POU6F2: variants seen among roughly 807,000 people sequenced by gnomAD.
The protein encoded by POU6F2 is POU domain, class 6, transcription factor 2.
Under a neutral mutation model 71.3 loss-of-function variants are expected in POU6F2, and 31 were observed. The observed-to-expected ratio is 0.43, with a 90% CI of 0.33 to 0.59. The LOEUF is 0.59. POU6F2 is among the 20% of genes least tolerant of loss of function. The probability of loss-of-function intolerance (pLI) is 0.04; values close to 1 mark genes in which losing one functional copy is unlikely to be tolerated. For synonymous variants in POU6F2, 347 were observed against 355.7 expected (o/e 0.98, Z 0.27); for missense variants, 783 against 856.8 (o/e 0.91, Z 1.07).
chr7:39,085,776 AGAGAGG>A, intron 1 of POU6F2, 78 bp from the exon 2 acceptor site: 3 of 1,349,592 alleles, frequency 2.2e-6, no homozygotes, highest in East Asian at 2.5e-5. Flanking sequence ...GAGAGAGAAG[AGAGAGG>A]GAGAGGGAGA....
chr7:39,329,688 C>T (rs2115560300), intron 4 of POU6F2, among the ~76,000 whole-genome samples: 1 of 152,258 alleles, frequency 6.6e-6, no homozygotes, highest in East Asian at 1.9e-4. Context: ...CAGGATGAGG[C>T]TGGGACTTGC....
intron 2 of POU6F2, among the ~76,000 whole-genome samples, chr7:39,181,599 C>T (rs548066155): frequency 1.3e-5 from 2 of 152,250 alleles, no homozygotes; most frequent in African/African-American, 4.8e-5. Flanking sequence ...CAGATTGGAG[C>T]CACAGAAAAT....
rs575803499 is a variant in POU6F2, at chr7:39,194,324, A to G, written c.278-9911A>G. ...TTTAAAGGATTGTCTTGAGATCGAGAACACATCCTTGGGGTGGGAGAAGGG... is the reference window on the plus strand; with the variant it reads ...TTTAAAGGATTGTCTTGAGATCGAGGACACATCCTTGGGGTGGGAGAAGGG... On this transcript the variant is annotated intron_variant, in intron 2 of 9. Transcript: ENST00000518318. Among the ~76,000 whole-genome samples the G allele has an allele frequency of 8.5e-5, 13 of 152,366 alleles. No individual in the cohort carries two copies. In the South Asian group the frequency reaches 2.5e-3, roughly 29 times the overall value.
Position 39,430,746 on chromosome 7 carries a change from C to T in POU6F2, c.1114-2331C>T, listed in dbSNP as rs1028271251. On this transcript the variant is annotated intron_variant, in intron 6 of 9. Coordinates refer to ENST00000518318, the MANE Select transcript of POU6F2 (RefSeq NM_001370959.1). ...CTACTTGCTCCCACTGGCTCTTAAT[C>T]GCACCGACACCCTGCCCCAAACAGG... is the stretch of plus-strand genomic sequence containing the variant. 3.3e-5 allele frequency among the ~76,000 whole-genome samples: 5 copies of T among 152,254 alleles called. No individual in the cohort carries two copies. In the East Asian group the frequency reaches 5.8e-4, roughly 18 times the overall value.
chr7:39,435,260 C>T (rs1449469668), intron 7 of POU6F2, among the ~76,000 whole-genome samples: 1 of 152,068 alleles, frequency 6.6e-6, no homozygotes, highest in African/African-American at 2.4e-5. Context: ...ACAGTGTAAA[C>T]ATGTTCCTAT....
intron 2 of POU6F2, among the ~76,000 whole-genome samples, chr7:39,113,809 C>T (rs1396248624): frequency 3.9e-5 from 6 of 152,098 alleles, no homozygotes; most frequent in Non-Finnish European, 2.9e-5. Context: ...TGGAGATTCA[C>T]GAGAGCACAT....
intron 4 of POU6F2, among the ~76,000 whole-genome samples, chr7:39,259,733 T>A (rs1026604582): frequency 5.3e-5 from 8 of 152,086 alleles, no homozygotes; most frequent in Admixed American, 4.6e-4. Flanking sequence ...ATTCTCTCTC[T>A]GCTGGCCTCC....
intron 1 of POU6F2, among the ~76,000 whole-genome samples, chr7:39,050,422 C>T (rs948324558): frequency 2.0e-5 from 3 of 152,126 alleles, no homozygotes; most frequent in African/African-American, 7.2e-5. Context: ...CTGCAAAACA[C>T]AGAGGTTCCT....
chr7:39,461,802 A>T (rs1338624782), intron 9 of POU6F2, among the ~76,000 whole-genome samples: 1 of 152,150 alleles, frequency 6.6e-6, no homozygotes, highest in Admixed American at 6.5e-5. Context: ...GTTTTTTCTT[A>T]TAAGATACCT....
intron 1 of POU6F2, among the ~76,000 whole-genome samples, chr7:38,978,613 G>A (rs1408500578): frequency 2.0e-5 from 3 of 152,174 alleles, no homozygotes; most frequent in African/African-American, 7.2e-5. Context: ...TGCTGCAGAA[G>A]GGCAGGCTGC....
intron 4 of POU6F2, among the ~76,000 whole-genome samples, chr7:39,280,710 CTAATGCAACCAAGATAATGCATAAGA>C (rs1784547739): frequency 6.6e-6 from 1 of 152,184 alleles, no homozygotes; most frequent in Admixed American, 6.5e-5. Context: ...AGGAAGAAAA[CTAATGCAACCAAGATAATGCATAAGA>C]TAATGCAACC....
intron 4 of POU6F2, among the ~76,000 whole-genome samples, chr7:39,219,932 T>C (rs1374112086): frequency 6.6e-6 from 1 of 152,194 alleles, no homozygotes; most frequent in Non-Finnish European, 1.5e-5. Flanking sequence ...CGGGAGAAAG[T>C]TGCATTAAAT....
At chr7:39,424,473 T>C (rs182716832) in intron 6 of POU6F2, among the ~76,000 whole-genome samples, 1 of 152,272 alleles carries the variant, frequency 6.6e-6, no homozygotes, top group Admixed American at 6.5e-5. Flanking sequence ...AATTCAGATA[T>C]AATTTTAAAA....
In POU6F2 at chr7:39,268,566, G is replaced by A. The variant is rs1784289923; in HGVS notation, c.598+60946G>A. Among the ~76,000 whole-genome samples the A allele has an allele frequency of 2.0e-5, 3 of 152,098 alleles. No homozygotes were observed. The South Asian group carries it at 6.2e-4, about 31-fold the overall frequency. ...TTAAAAAGAGCTCCTTTGTCACTTT[G>A]TATTCCGTAGAAAAATAGGTAAGGG... On this transcript the variant is annotated intron_variant, in intron 4 of 9. Transcript: ENST00000518318.
intron 2 of POU6F2, among the ~76,000 whole-genome samples, chr7:39,139,611 T>C (rs1792456353): frequency 6.6e-6 from 1 of 152,178 alleles, no homozygotes; most frequent in Non-Finnish European, 1.5e-5. Context: ...CCACGATTTG[T>C]GCTAGATTCT....
chr7:39,464,434 C>G lies in POU6F2; in HGVS notation c.1911C>G (p.Arg637=). ...TCGGGAGTGAACCATCCAAAAAGCG[C>G]AAGCGGCGCACCTCCTTCACACCCC... is the stretch of plus-strand genomic sequence containing the variant. ...EFIGSEPSKK[R]KRRTSFTPQA... Residue 637 remains arginine (R), a synonymous_variant, in exon 10 of 10, where the codon CGC becomes CGG. Transcript: ENST00000518318. This position sits in a 1 kb window ranked among gnomAD's most constrained non-coding sequence, Gnocchi z 4.1. The G allele has an allele frequency of 6.2e-7, 1 of 1,614,004 alleles. No homozygotes were observed. Among genetic ancestry groups the G allele is most frequent in the African/African-American group, 1.3e-5 (1 of 75,040 alleles).
intron 1 of POU6F2, among the ~76,000 whole-genome samples, chr7:39,033,821 T>C (rs575585000): frequency 5.3e-5 from 8 of 152,334 alleles, no homozygotes; most frequent in Non-Finnish European, 1.0e-4. Flanking sequence ...TGCAAGGACT[T>C]ATTTTTCCGC....
At chr7:39,371,826 C>T (rs1028202257) in intron 5 of POU6F2, among the ~76,000 whole-genome samples, 1 of 152,188 alleles carries the variant, frequency 6.6e-6, no homozygotes, top group African/African-American at 2.4e-5. Context: ...AGCCAGCAGA[C>T]ATATTATGTA....
At chr7:39,084,027 G>A (rs116327115) in intron 1 of POU6F2, among the ~76,000 whole-genome samples, 87 of 152,226 alleles carry the variant, frequency 5.7e-4, no homozygotes, top group African/African-American at 2.0e-3. Context: ...AGAAATGTCA[G>A]CATTATGAAA....
Sources: allele counts gnomAD v4.1 joint callset (sites outside exome capture counted in the v4.1 genomes callset), GRCh38; gene constraint gnomAD v4.1.1; non-coding constraint Gnocchi (gnomAD v3.1); transcripts MANE v1.5; gene names NCBI Gene and HGNC (gene_info 2026-07-23, HGNC 2026-07-21).